RNF115: variants seen among roughly 807,000 people sequenced by gnomAD.
RNF115 encodes E3 ubiquitin-protein ligase RNF115.
In RNF115, 31 loss-of-function variants were observed where a neutral mutation model predicts 39.2. The observed-to-expected ratio is 0.79, with a 90% CI of 0.59 to 1.07. RNF115 has a LOEUF of 1.07. RNF115 is among the 50% of genes least tolerant of loss of function. The pLI is 0.00. For missense variants in RNF115, 384 were observed against 381.7 expected, an observed-to-expected ratio of 1.01 and a Z score of -0.05; for synonymous variants, 124 against 131.0, an observed-to-expected ratio of 0.95 and a Z score of 0.37.
In RNF115 at chr1:145,746,995, A is replaced by G; in HGVS notation, c.786T>C (p.His262=). 1 of 1,609,800 alleles carries G rather than the reference A, an allele frequency of 6.2e-7. No individual in the cohort carries two copies. The highest frequency in any genetic ancestry group is 8.5e-7 in the Non-Finnish European group (1 of 1,177,210). ...TCTTCCTACATACAGGACATGTGTC[A>G]TGCTGAAACAGAAAAATATTAGTCT... ...SSCIVPWLEL[H]DTCPVCRKSL... Residue 262 remains histidine (H), a splice_region_variant and synonymous_variant, in exon 9 of 9, where the codon CAT becomes CAC. Transcript: ENST00000582693.
chr1:145,757,032 TACC>T (rs1329761736), intron 4 of RNF115, among the ~76,000 whole-genome samples: 1 of 151,732 alleles, frequency 6.6e-6, no homozygotes, highest in Non-Finnish European at 1.5e-5. Flanking sequence ...CACGGGGTTT[TACC>T]ACATTGGCCA....
intron 1 of RNF115, among the ~76,000 whole-genome samples, chr1:145,809,826 C>T (rs1444827982): frequency 8.2e-6 from 1 of 122,166 alleles, no homozygotes; most frequent in African/African-American, 3.1e-5. Flanking sequence ...ACTGGTACCT[C>T]CATCATTTTC....
chr1:145,822,861 G>A, intron 1 of RNF115, among the ~76,000 whole-genome samples: 1 of 96,816 alleles, frequency 1.0e-5, no homozygotes, highest in African/African-American at 3.9e-5. Context: ...CCAAAGCACT[G>A]GGATTACAGA....
intron 3 of RNF115, among the ~76,000 whole-genome samples, chr1:145,784,144 T>A (rs1648271269): frequency 6.6e-6 from 1 of 152,328 alleles, no homozygotes; most frequent in Non-Finnish European, 1.5e-5. Context: ...TATTTCATTG[T>A]GACTTCGACA....
intron 3 of RNF115, among the ~76,000 whole-genome samples, chr1:145,775,997 C>CA (rs1647865468): frequency 6.8e-6 from 1 of 146,074 alleles, no homozygotes. Context: ...GACCCTGTCT[C>CA]AAAAAAATAA....
At chr1:145,800,121 A>G (rs146852232) in intron 1 of RNF115, among the ~76,000 whole-genome samples, 1 of 152,346 alleles carries the variant, frequency 6.6e-6, no homozygotes, top group Non-Finnish European at 1.5e-5. Flanking sequence ...AGTCTGAGAA[A>G]CATAGTCGGG....
intron 2 of RNF115, among the ~76,000 whole-genome samples, chr1:145,788,224 G>C (rs1171216822): frequency 3.3e-5 from 5 of 151,976 alleles, no homozygotes; most frequent in Admixed American, 3.3e-4. Flanking sequence ...TGGAATTACA[G>C]GCGCCCGCCA....
chr1:145,812,729 T>C (rs1275450938), intron 1 of RNF115, among the ~76,000 whole-genome samples: 22 of 151,854 alleles, frequency 1.4e-4, no homozygotes, highest in Non-Finnish European at 2.5e-4. Context: ...AGTCTACTTA[T>C]CATACAAGAA....
chr1:145,766,678 C>T (rs1298159596), intron 4 of RNF115, among the ~76,000 whole-genome samples: 7 of 139,670 alleles, frequency 5.0e-5, no homozygotes, highest in East Asian at 2.2e-4. Flanking sequence ...GGGGGCTGAC[C>T]CCCCCACCTC....
chr1:145,789,975 G>C (rs1553718729), intron 1 of RNF115, among the ~76,000 whole-genome samples: 1 of 152,042 alleles, frequency 6.6e-6, no homozygotes, highest in African/African-American at 2.4e-5. Flanking sequence ...TGGGATTACA[G>C]GCACGAGCCA....
At chr1:145,816,112 T>A (rs1570698982) in intron 1 of RNF115, among the ~76,000 whole-genome samples, 1 of 32,996 alleles carries the variant, frequency 3.0e-5, no homozygotes, top group Non-Finnish European at 4.7e-5. Flanking sequence ...TTTTTGCGAG[T>A]GCAATGGCAC....
At chr1:145,765,093 T>C (rs1658716632) in intron 4 of RNF115, among the ~76,000 whole-genome samples, 2 of 152,326 alleles carry the variant, frequency 1.3e-5, no homozygotes, top group South Asian at 4.1e-4. Flanking sequence ...TCTTCTGCCT[T>C]GGGATGCTGT....
intron 7 of RNF115, among the ~76,000 whole-genome samples, chr1:145,749,182 C>G (rs1407598029): frequency 5.3e-5 from 8 of 151,906 alleles, no homozygotes; most frequent in African/African-American, 1.7e-4. Flanking sequence ...GCATTTGGAG[C>G]AGTACTACTA....
chr1:145,754,313 A>C (rs1300886753), intron 4 of RNF115, among the ~76,000 whole-genome samples: 4 of 151,276 alleles, frequency 2.6e-5, no homozygotes, highest in Non-Finnish European at 4.4e-5. Flanking sequence ...CTTAAAATCT[A>C]CTCTCTCAGC....
chr1:145,779,541 A>G (rs1479375491), intron 3 of RNF115, among the ~76,000 whole-genome samples: 2 of 152,234 alleles, frequency 1.3e-5, no homozygotes, highest in African/African-American at 4.8e-5. Context: ...AAATTTTTAG[A>G]GGCAGAAATA....
At chr1:145,789,700 C>CTTTTTT (rs67276251) in intron 1 of RNF115, among the ~76,000 whole-genome samples, 14 of 86,766 alleles carry the variant, frequency 1.6e-4, no homozygotes, top group African/African-American at 2.5e-4. Flanking sequence ...ACCCGGACTT[C>CTTTTTT]TTTTTTTTTT....
At chr1:145,789,229 A>G (rs1264110215) in intron 1 of RNF115, among the ~76,000 whole-genome samples, 1 of 151,976 alleles carries the variant, frequency 6.6e-6, no homozygotes, top group Non-Finnish European at 1.5e-5. Context: ...TAGCCTTCAG[A>G]GTAGCTAGGA....
rs1657627248 is a variant in RNF115, at chr1:145,739,500, G to A, written c.*7366C>T. The A allele has an allele frequency of 6.6e-6, 1 of 152,132 alleles. No individual in the cohort carries two copies. Among genetic ancestry groups the A allele is most frequent in the Non-Finnish European group, 1.5e-5 (1 of 68,038 alleles). The allele number at this position is 152,132 out of a possible 1,614,324, so 9.4% of individuals were successfully genotyped here. A position where few individuals can be genotyped will look rare whatever the true frequency, so the allele number is the denominator to read the frequency against. On this transcript the variant is annotated 3_prime_UTR_variant, in exon 9 of 9. Transcript: ENST00000582693. Reference sequence around the variant, plus strand: ...AGACTGTATCCCATGGAGATAAAAGGACTAGCCATGGAGGCAAAAAGACCT... The same window carrying A: ...AGACTGTATCCCATGGAGATAAAAGAACTAGCCATGGAGGCAAAAAGACCT...
intron 4 of RNF115, among the ~76,000 whole-genome samples, chr1:145,766,655 G>A (rs1553714900): frequency 6.7e-5 from 10 of 149,264 alleles, no homozygotes; most frequent in Admixed American, 1.3e-4. Flanking sequence ...CGGATGGGGC[G>A]GCTGGCCGGG....
Sources: gnomAD v4.1 joint callset for allele counts (sites outside exome capture counted in the v4.1 genomes callset) on GRCh38, gnomAD v4.1.1 for gene constraint, MANE v1.5 for transcripts, NCBI Gene and HGNC (gene_info 2026-07-23, HGNC 2026-07-21) for gene names.